The following EXOC4 variants were observed in gnomAD, a reference collection of about 807,000 sequenced individuals.
The protein encoded by EXOC4 is exocyst complex component 4.
Under a neutral mutation model 107.2 loss-of-function variants are expected in EXOC4, and 71 were observed. That is an observed-to-expected ratio of 0.66 (90% CI 0.55 to 0.81). EXOC4 has a LOEUF of 0.81. EXOC4 is among the 30% of genes least tolerant of loss of function. The pLI, the probability that EXOC4 is intolerant of heterozygous loss-of-function variation, is 0.00. For synonymous variants in EXOC4, 456 were observed against 441.2 expected (o/e 1.03, Z -0.42); for missense variants, 1,108 against 1,189.6 (o/e 0.93, Z 1.01).
chr7:133,812,502 C>CG (rs1797257542), intron 10 of EXOC4, among the ~76,000 whole-genome samples: 3 of 152,118 alleles, frequency 2.0e-5, no homozygotes, highest in African/African-American at 7.2e-5. Context: ...CAGAGTGACA[C>CG]TGAGTGAGGT....
At chr7:133,485,099 A>AT (rs1347624796) in intron 9 of EXOC4, among the ~76,000 whole-genome samples, 1 of 148,666 alleles carries the variant, frequency 6.7e-6, no homozygotes, top group African/African-American at 2.5e-5. Flanking sequence ...ATAAATAAAT[A>AT]AATAAATAAA....
the EXOC4 span, among the ~76,000 whole-genome samples, chr7:134,090,234 C>T: frequency 1.3e-5 from 2 of 152,158 alleles, no homozygotes; most frequent in African/African-American, 4.8e-5. Flanking sequence ...AGGAATTGGA[C>T]CCTGAACCCA....
intron 10 of EXOC4, among the ~76,000 whole-genome samples, chr7:133,635,015 A>G (rs796813388): frequency 4.6e-5 from 7 of 152,214 alleles, no homozygotes; most frequent in African/African-American, 1.7e-4. Context: ...AATGGAATTT[A>G]TGTTATGGGC....
At chr7:133,759,381 G>T (rs1275363237) in intron 10 of EXOC4, among the ~76,000 whole-genome samples, 2 of 152,134 alleles carry the variant, frequency 1.3e-5, no homozygotes, top group African/African-American at 2.4e-5. Flanking sequence ...ACTAAATGAT[G>T]ATGAGATGAT....
chr7:133,787,955 TTATATA>T (rs148841208), intron 10 of EXOC4, among the ~76,000 whole-genome samples: 4,587 of 30,594 alleles, frequency 0.15, 612 homozygotes, highest in East Asian at 0.42. Flanking sequence ...GTGCATATAT[TTATATA>T]TTTATATATA....
intron 10 of EXOC4, among the ~76,000 whole-genome samples, chr7:133,692,981 T>C (rs896708616): frequency 6.6e-6 from 1 of 152,176 alleles, no homozygotes; most frequent in Non-Finnish European, 1.5e-5. Context: ...ATAGGGAAAC[T>C]GAGGTCCAGA....
downstream of EXOC4, among the ~76,000 whole-genome samples, chr7:134,066,806 T>TA (rs952106931): frequency 2.6e-5 from 4 of 152,078 alleles, no homozygotes; most frequent in African/African-American, 9.7e-5. Flanking sequence ...CATACACAGT[T>TA]ACGTAATGTT....
rs139102087 is a variant in EXOC4, at chr7:134,025,823, G to A, written c.2687+17988G>A. Among the ~76,000 whole-genome samples, 119 of 152,310 alleles carry A rather than the reference G, an allele frequency of 7.8e-4. No individual in the cohort carries two copies. The Middle Eastern group carries it at 0.017, about 22-fold the overall frequency. ...CCTTTTTAAGGCCTAGACCCAGGAC[G>A]AGCATAGTATCACTTCTGTCACTTT... is the stretch of plus-strand genomic sequence containing the variant. On this transcript the variant is annotated intron_variant, in intron 17 of 17. Coordinates refer to ENST00000253861, the MANE Select transcript of EXOC4 (RefSeq NM_021807.4).
chr7:134,015,102 G>A (rs1794870699), intron 17 of EXOC4, among the ~76,000 whole-genome samples: 1 of 152,170 alleles, frequency 6.6e-6, no homozygotes, highest in Admixed American at 6.5e-5. Flanking sequence ...TGAAAGAAGA[G>A]ACCTGAGTCA....
At chr7:133,300,885 A>AT (rs5887619) in intron 3 of EXOC4, among the ~76,000 whole-genome samples, 45,232 of 150,556 alleles carry the variant, frequency 0.3, 7,806 homozygotes, top group African/African-American at 0.48. Context: ...GATAGATACC[A>AT]TTTTTTTTTT....
Position 133,377,915 on chromosome 7 carries a change from C to A in EXOC4, c.1182+2913C>A, listed in dbSNP as rs577754671. On this transcript the variant is annotated intron_variant, in intron 7 of 17. Coordinates refer to ENST00000253861, the MANE Select transcript of EXOC4 (RefSeq NM_021807.4). ...ATTGTCAATCTAGAATTTTGTGTTA[C>A]CGAAAATATTCTTTAAAATGAAGCT... Among the ~76,000 whole-genome samples, 9 of 152,192 alleles carry A rather than the reference C, an allele frequency of 5.9e-5. 1 individual carries two copies. In the South Asian group the frequency reaches 1.9e-3, roughly 32 times the overall value.
chr7:133,306,277 T>C (rs1467285492), intron 4 of EXOC4, among the ~76,000 whole-genome samples: 1 of 152,220 alleles, frequency 6.6e-6, no homozygotes, highest in African/African-American at 2.4e-5. Context: ...ATTATGGTCC[T>C]TTTCTGTAAG....
At chr7:133,295,970 T>C (rs1794510939) in intron 3 of EXOC4, among the ~76,000 whole-genome samples, 1 of 152,148 alleles carries the variant, frequency 6.6e-6, no homozygotes, top group Non-Finnish European at 1.5e-5. Flanking sequence ...TGTAAAACAA[T>C]GTTCCAGTAT....
intron 7 of EXOC4, among the ~76,000 whole-genome samples, chr7:133,378,360 G>A (rs972735912): frequency 3.3e-5 from 5 of 150,238 alleles, no homozygotes; most frequent in African/African-American, 4.9e-5. Flanking sequence ...AATACCAGAT[G>A]GTAACTTAGA....
intron 17 of EXOC4, among the ~76,000 whole-genome samples, chr7:134,044,914 C>T (rs1795611479): frequency 6.6e-6 from 1 of 152,136 alleles, no homozygotes. Context: ...CAGCAGTTTT[C>T]CTGGAATGAT....
intron 4 of EXOC4, among the ~76,000 whole-genome samples, chr7:133,309,693 A>G (rs1230726086): frequency 6.6e-6 from 1 of 152,188 alleles, no homozygotes; most frequent in African/African-American, 2.4e-5. Context: ...TAATCCCAGC[A>G]CTTTGGGAAG....
At chr7:133,473,064 C>T (rs1416682495) in intron 7 of EXOC4, among the ~76,000 whole-genome samples, 1 of 152,130 alleles carries the variant, frequency 6.6e-6, no homozygotes, top group African/African-American at 2.4e-5. Flanking sequence ...TGAAACAATG[C>T]ATTTATATAC....
chr7:133,463,752 A>G (rs1300417146), intron 7 of EXOC4, among the ~76,000 whole-genome samples: 2 of 152,214 alleles, frequency 1.3e-5, no homozygotes, highest in African/African-American at 2.4e-5. Flanking sequence ...TATTAGCAGA[A>G]GCCTGGATTT....
chr7:133,439,889 A>G (rs757900145), intron 7 of EXOC4, among the ~76,000 whole-genome samples: 11 of 152,216 alleles, frequency 7.2e-5, no homozygotes, highest in Admixed American at 3.3e-4. Context: ...CAGGGAGACT[A>G]TAACTCATTG....
Sources: allele counts gnomAD v4.1 joint callset (sites outside exome capture counted in the v4.1 genomes callset), GRCh38; gene constraint gnomAD v4.1.1; transcripts MANE v1.5; gene names NCBI Gene and HGNC (gene_info 2026-07-23, HGNC 2026-07-21).